DAB1: variants seen among roughly 807,000 people sequenced by gnomAD.
The protein encoded by DAB1 is DAB adaptor protein 1.
In DAB1, 15 loss-of-function variants were observed where a neutral mutation model predicts 64.6. The ratio of observed to expected loss-of-function variants is 0.23; its 90% CI spans 0.16 to 0.36. The LOEUF (loss-of-function observed/expected upper bound fraction) is 0.36. Among genes scored for constraint, DAB1 ranks in the 10% least tolerant of loss-of-function variants. The probability of loss-of-function intolerance (pLI) is 1.00; values close to 1 mark genes in which losing one functional copy is unlikely to be tolerated. For missense variants in DAB1, 596 were observed against 706.7 expected (o/e 0.84, Z 1.78); for synonymous variants, 235 against 251.9 (o/e 0.93, Z 0.64).
intron 2 of DAB1, among the ~76,000 whole-genome samples, chr1:57,286,408 A>G (rs1003167571): frequency 1.3e-5 from 2 of 152,198 alleles, no homozygotes; most frequent in African/African-American, 4.8e-5. Context: ...TAATATAGGA[A>G]ACACACTAAT....
chr1:57,918,674 A>C (rs1028659235), intron 5 of DAB1, among the ~76,000 whole-genome samples: 1 of 152,106 alleles, frequency 6.6e-6, no homozygotes, highest in Admixed American at 6.5e-5. Flanking sequence ...AATACAAAAA[A>C]TTAGCCGGGC....
chr1:58,127,180 G>A (rs1052163119), intron 5 of DAB1, among the ~76,000 whole-genome samples: 1 of 151,910 alleles, frequency 6.6e-6, no homozygotes, highest in Non-Finnish European at 1.5e-5. Flanking sequence ...ATCTCATTGT[G>A]ATTTTGATTT....
At chr1:57,081,203 G>A (rs989063824) in intron 4 of DAB1, among the ~76,000 whole-genome samples, 1 of 152,154 alleles carries the variant, frequency 6.6e-6, no homozygotes, top group African/African-American at 2.4e-5. Flanking sequence ...TGTAAAATGG[G>A]AATGATTCCT....
chr1:58,070,012 T>C (rs968179587), intron 5 of DAB1, among the ~76,000 whole-genome samples: 1 of 152,122 alleles, frequency 6.6e-6, no homozygotes, highest in Non-Finnish European at 1.5e-5. Flanking sequence ...AGCCCAGAGA[T>C]TTTGGGGAAG....
At chr1:57,227,519 T>TTTTGTGTG (rs3222527) in intron 2 of DAB1, among the ~76,000 whole-genome samples, 71 of 135,808 alleles carry the variant, frequency 5.2e-4, no homozygotes, top group African/African-American at 1.8e-3. Context: ...TTTTTTTCTT[T>TTTTGTGTG]TGTGTGTGTG....
intron 9 of DAB1, among the ~76,000 whole-genome samples, chr1:57,036,796 T>G (rs1647171721): frequency 6.6e-6 from 1 of 152,202 alleles, no homozygotes; most frequent in South Asian, 2.1e-4. Flanking sequence ...GAATCATCAT[T>G]AAAACATGGA....
intron 4 of DAB1, among the ~76,000 whole-genome samples, chr1:57,126,615 A>G (rs1177837979): frequency 6.6e-6 from 1 of 152,246 alleles, no homozygotes; most frequent in East Asian, 1.9e-4. Context: ...ACGTATGTCA[A>G]GCTCTTACAG....
At chr1:57,527,948 A>G (rs1462214937) in intron 7 of DAB1, among the ~76,000 whole-genome samples, 1 of 152,194 alleles carries the variant, frequency 6.6e-6, no homozygotes, top group Non-Finnish European at 1.5e-5. Context: ...ACAACGAAAG[A>G]TAATAAGATA....
intron 5 of DAB1, among the ~76,000 whole-genome samples, chr1:58,097,954 C>A (rs755314404): frequency 1.3e-5 from 2 of 152,124 alleles, no homozygotes; most frequent in Non-Finnish European, 2.9e-5. Context: ...AGGATTCCCA[C>A]GGGCAGTTCC....
At chr1:57,845,208 C>T (rs185111608) in intron 1 of DAB1, among the ~76,000 whole-genome samples, 1 of 152,158 alleles carries the variant, frequency 6.6e-6, no homozygotes, top group East Asian at 1.9e-4. Context: ...AGGAAGTGTC[C>T]CTGTGATGAG....
At chr1:57,008,394 C>T (rs983608202) in intron 14 of DAB1, among the ~76,000 whole-genome samples, 1 of 151,892 alleles carries the variant, frequency 6.6e-6, no homozygotes, top group African/African-American at 2.4e-5. Flanking sequence ...GGGGAGCGTG[C>T]ATTAATTGGA....
chr1:57,422,238 C>T (rs1289521756), intron 1 of DAB1, among the ~76,000 whole-genome samples: 1 of 152,206 alleles, frequency 6.6e-6, no homozygotes, highest in Non-Finnish European at 1.5e-5. Context: ...ACTATCAACA[C>T]TGTTAAAGTG....
chr1:57,113,854 C>T (rs1164238626), intron 4 of DAB1, among the ~76,000 whole-genome samples: 2 of 152,072 alleles, frequency 1.3e-5, no homozygotes, highest in African/African-American at 4.8e-5. Context: ...CTTTCTCATT[C>T]CAAAGCATGT....
chr1:57,631,445 T>G (rs935433168), intron 7 of DAB1, among the ~76,000 whole-genome samples: 4 of 152,240 alleles, frequency 2.6e-5, no homozygotes, highest in African/African-American at 9.6e-5. Context: ...GCAAGTAACA[T>G]TTTCATTTTC....
intron 9 of DAB1, among the ~76,000 whole-genome samples, chr1:57,031,940 G>A (rs1646978025): frequency 6.6e-6 from 1 of 152,196 alleles, no homozygotes; most frequent in Admixed American, 6.5e-5. Context: ...ATATTGGAAG[G>A]TGTACAGGAC....
intron 6 of DAB1, among the ~76,000 whole-genome samples, chr1:57,679,618 T>C (rs1004559511): frequency 1.3e-5 from 2 of 152,226 alleles, no homozygotes; most frequent in African/African-American, 4.8e-5. Context: ...TTAGTAGTGC[T>C]TGTAAGCCAT....
chr1:57,370,613 G>C (rs1227775971), intron 1 of DAB1, among the ~76,000 whole-genome samples: 1 of 101,438 alleles, frequency 9.9e-6, no homozygotes, highest in Non-Finnish European at 2.1e-5. Context: ...AAGACAAACA[G>C]AGAAAAAAAA....
chr1:57,033,567 A>G, intron 9 of DAB1: 2 of 1,612,378 alleles, frequency 1.2e-6, no homozygotes, highest in Non-Finnish European at 1.7e-6. Flanking sequence ...TCAAACGAAT[A>G]GCCATTCTGA....
At position 57,748,834 on chromosome 1, in the gene DAB1, T is replaced by C. The variant is rs1304252070; in HGVS notation, n.552-99169A>G. ...CCCATGTTCCAGGCCAGTGACATCATTTGGCATGCTAATGAATGGAAATCT... is the reference window on the plus strand; with the variant it reads ...CCCATGTTCCAGGCCAGTGACATCACTTGGCATGCTAATGAATGGAAATCT... On this transcript the variant is annotated intron_variant and non_coding_transcript_variant, in intron 6 of 20. Coordinates refer to the DAB1 transcript ENST00000485760. Among the ~76,000 whole-genome samples the C allele has an allele frequency of 9.2e-5, 14 of 152,318 alleles. No individual in the cohort carries two copies. The South Asian group carries it at 1.9e-3, about 20-fold the overall frequency.
Sources: allele counts gnomAD v4.1 joint callset (sites outside exome capture counted in the v4.1 genomes callset), GRCh38; gene constraint gnomAD v4.1.1; transcripts MANE v1.5; gene names NCBI Gene and HGNC (gene_info 2026-07-23, HGNC 2026-07-21).